Variants in STAB2 observed in about 807,000 individuals in gnomAD.
The protein encoded by STAB2 is stabilin-2.
A neutral mutation model predicts 338.1 loss-of-function variants in STAB2; 288 were observed. The observed-to-expected ratio is 0.85, with a 90% confidence interval of 0.77 to 0.94. The LOEUF (loss-of-function observed/expected upper bound fraction) is 0.94. STAB2 is among the 40% of genes least tolerant of loss of function. The pLI, the probability that STAB2 is intolerant of heterozygous loss-of-function variation, is 0.00. For synonymous variants in STAB2, 1,202 were observed against 1,193.3 expected (o/e 1.01, Z -0.15); for missense variants, 3,141 against 3,210.1 (o/e 0.98, Z 0.52).
At chr12:103,717,353 C>G (rs1287425763) in intron 43 of STAB2, among the ~76,000 whole-genome samples, 1 of 152,204 alleles carries the variant, frequency 6.6e-6, no homozygotes, top group Non-Finnish European at 1.5e-5. Context: ...CTTAGCATCT[C>G]CTAGCACTGG....
intron 9 of STAB2, among the ~76,000 whole-genome samples, chr12:103,645,238 G>T (rs1198127989): frequency 6.6e-6 from 1 of 152,200 alleles, no homozygotes; most frequent in Admixed American, 6.5e-5. Context: ...TCCTAAAGAG[G>T]TGATGTTGTG....
intron 5 of STAB2, among the ~76,000 whole-genome samples, chr12:103,627,213 G>A (rs146086884): frequency 0.011 from 1,661 of 152,296 alleles, 13 homozygotes; most frequent in Middle Eastern, 0.037. Context: ...CACTGCCCCA[G>A]TCTGCCTCTG....
chr12:103,696,817 C>T (rs773112733), intron 33 of STAB2, among the ~76,000 whole-genome samples: 5 of 152,088 alleles, frequency 3.3e-5, no homozygotes, highest in African/African-American at 4.8e-5. Context: ...GGGACACCTG[C>T]ATGCTTGTTC....
chr12:103,755,792 C>T (rs554470530), intron 63 of STAB2, 74 bp downstream of exon 63: 1 of 1,422,928 alleles, frequency 7.0e-7, no homozygotes. Flanking sequence ...AGGGGTGAGG[C>T]CTTAAGCTGA....
intron 33 of STAB2, among the ~76,000 whole-genome samples, chr12:103,697,197 A>G (rs1878484055): frequency 6.6e-6 from 1 of 152,086 alleles, no homozygotes. Context: ...ACCCCCTTTC[A>G]GCATTTATTA....
rs1884367124 is a variant in STAB2, at chr12:103,759,284, T to A, written c.7248+11T>A. On this transcript the variant is annotated intron_variant, in intron 65 of 68. Transcript: ENST00000388887. ...GACCCACTCCAACCGGTACAAAGTCTTCTGGGCTTCTTGGGGGAACGGGAG... is the reference window on the plus strand; with the variant it reads ...GACCCACTCCAACCGGTACAAAGTCATCTGGGCTTCTTGGGGGAACGGGAG... 1 of 1,611,928 alleles carries A rather than the reference T, an allele frequency of 6.2e-7. No individual in the cohort carries two copies. The highest frequency in any genetic ancestry group is 2.2e-5 in the East Asian group (1 of 44,808).
intron 29 of STAB2, 71 bp downstream of exon 29, chr12:103,690,053 T>C (rs1877791987): frequency 5.1e-6 from 8 of 1,554,022 alleles, no homozygotes; most frequent in Non-Finnish European, 6.1e-6. Context: ...TGAAGTTCAA[T>C]GTAGGAAAAC....
chr12:103,608,783 T>A (rs1340208635), intron 3 of STAB2, among the ~76,000 whole-genome samples: 1 of 152,212 alleles, frequency 6.6e-6, no homozygotes, highest in African/African-American at 2.4e-5. Context: ...CTGAATGGTA[T>A]TGCCTAGGTT....
At chr12:103,624,126 C>G (rs529966676) in intron 5 of STAB2, among the ~76,000 whole-genome samples, 2 of 152,306 alleles carry the variant, frequency 1.3e-5, no homozygotes, top group African/African-American at 4.8e-5. Context: ...CATCCCACCC[C>G]CATAAGTTTG....
intron 47 of STAB2, among the ~76,000 whole-genome samples, chr12:103,727,705 G>A (rs1881323084): frequency 6.6e-6 from 1 of 152,186 alleles, no homozygotes. Context: ...TTTTCTTGCA[G>A]GATTTATCAG....
chr12:103,650,416 G>C (rs1873649700), intron 10 of STAB2, 80 bp from the exon 11 acceptor site: 1 of 1,218,694 alleles, frequency 8.2e-7, no homozygotes, highest in Admixed American at 1.8e-5. Flanking sequence ...CGTGACCCAA[G>C]ACCTGTTGCC....
At chr12:103,592,896 A>T (rs1466669234) in intron 2 of STAB2, among the ~76,000 whole-genome samples, 1 of 152,102 alleles carries the variant, frequency 6.6e-6, no homozygotes, top group African/African-American at 2.4e-5. Flanking sequence ...TATATTCCTC[A>T]TATAAGTGGG....
At chr12:103,600,417 C>T (rs1356970990) in intron 3 of STAB2, among the ~76,000 whole-genome samples, 1 of 152,168 alleles carries the variant, frequency 6.6e-6, no homozygotes, top group Non-Finnish European at 1.5e-5. Flanking sequence ...GCTGAAACAA[C>T]AGATGTTTGT....
At chr12:103,714,727 C>T (rs1376371502) in intron 42 of STAB2, among the ~76,000 whole-genome samples, 1 of 150,926 alleles carries the variant, frequency 6.6e-6, no homozygotes, top group Non-Finnish European at 1.5e-5. Context: ...TTATCATTTG[C>T]TCTCTTTGTA....
intron 39 of STAB2, 162 bp from the exon 40 acceptor site, chr12:103,711,309 G>C: frequency 3.4e-6 from 3 of 892,730 alleles, no homozygotes; most frequent in Non-Finnish European, 5.1e-6. Flanking sequence ...TGAGCTTCAT[G>C]GCAGCCAGTA....
intron 25 of STAB2, among the ~76,000 whole-genome samples, chr12:103,679,806 C>A (rs1876732678): frequency 6.6e-6 from 1 of 152,182 alleles, no homozygotes; most frequent in Admixed American, 6.5e-5. Context: ...AAAAGTGGGA[C>A]TCAAGCAGAT....
chr12:103,700,644 CTGTA>C (rs1878781715), intron 34 of STAB2, among the ~76,000 whole-genome samples: 1 of 152,154 alleles, frequency 6.6e-6, no homozygotes, highest in South Asian at 2.1e-4. Context: ...GTTTTTGCTT[CTGTA>C]TGTGTTTGTC....
chr12:103,652,885 G>A (rs752561259), intron 12 of STAB2, among the ~76,000 whole-genome samples, 180 bp downstream of exon 12: 2 of 152,208 alleles, frequency 1.3e-5, no homozygotes, highest in Non-Finnish European at 2.9e-5. Context: ...GGAAGGCCAT[G>A]GAGGAAGGGT....
chr12:103,734,492 GTC>G (rs1881946645), intron 51 of STAB2, among the ~76,000 whole-genome samples: 1 of 151,556 alleles, frequency 6.6e-6, no homozygotes, highest in Non-Finnish European at 1.5e-5. Context: ...AGCATGCACA[GTC>G]TCATAGGAAC....
Sources: gnomAD v4.1 joint callset for allele counts (sites outside exome capture counted in the v4.1 genomes callset) on GRCh38, gnomAD v4.1.1 for gene constraint, MANE v1.5 for transcripts, NCBI Gene and HGNC (gene_info 2026-07-23, HGNC 2026-07-21) for gene names.